DNAH6: variants seen among roughly 807,000 people sequenced by gnomAD.
The protein encoded by DNAH6 is dynein axonemal heavy chain 6.
Under a neutral mutation model 491.4 loss-of-function variants are expected in DNAH6, and 340 were observed. The ratio of observed to expected loss-of-function variants is 0.69; its 90% confidence interval spans 0.63 to 0.76. The LOEUF is 0.76. DNAH6 is among the 30% of genes least tolerant of loss of function. The pLI, the probability that DNAH6 is intolerant of heterozygous loss-of-function variation, is 0.00. For missense variants in DNAH6, 4,443 were observed against 4,972.2 expected, an observed-to-expected ratio of 0.89 and a Z score of 3.20; for synonymous variants, 1,603 against 1,686.1, an observed-to-expected ratio of 0.95 and a Z score of 1.21.
chr2:84,611,840 C>A lies in DNAH6; in HGVS notation c.3461C>A (p.Ala1154Asp), dbSNP rs1389413529. 1 of 1,550,710 alleles carries A rather than the reference C, an allele frequency of 6.4e-7. No homozygotes were observed. The highest frequency in any genetic ancestry group is 8.7e-7 in the Non-Finnish European group (1 of 1,146,390). The change falls in exon 22 of 77, where the codon GCC (alanine) becomes GAC (aspartate). Residue 1154 changes from alanine to aspartate, a missense_variant. By Grantham distance (126) the Ala-to-Asp change is moderately radical. Around this residue, in one of 3 missense-constraint regions of DNAH6, gnomAD observed 2,977 missense variants for 3,296.6 expected, o/e 0.90. Coordinates refer to ENST00000389394, the MANE Select transcript of DNAH6 (RefSeq NM_001370.2). The part of the protein sequence containing the change: ...KVNRLPNALR[A>D]ATQPGLLETF... ...AATCGGCTGCCTAATGCTCTTCGAG[C>A]CGCTACTCAGCCAGGTATGAAACAA...
At chr2:84,742,622 C>A (rs888901058) in intron 62 of DNAH6, among the ~76,000 whole-genome samples, 4 of 145,596 alleles carry the variant, frequency 2.7e-5, no homozygotes. Context: ...CATTGGTCAT[C>A]TTTATTTTGG....
chr2:84,686,143 G>A (rs1399868915), intron 43 of DNAH6, among the ~76,000 whole-genome samples: 3 of 150,242 alleles, frequency 2.0e-5, no homozygotes, highest in Non-Finnish European at 3.0e-5. Context: ...AGCCGAGATC[G>A]CATCATTGCA....
At position 84,544,482 on chromosome 2, in the gene DNAH6, T is replaced by A. The variant is rs776394630; in HGVS notation, c.912T>A (p.Asn304Lys). ...ITGCQKSLQK[N>K]LFIVNPHLRP... is the part of the protein sequence containing the mutation. ...GATGTCAAAAATCTCTACAAAAAAA[T>A]TTGTTCATTGTTAATCCTGTATGTA... Residue 304 changes from asparagine (N) to lysine (K), a missense_variant, in exon 5 of 77, where the codon AAT (asparagine) becomes AAA (lysine). By Grantham distance (94) the Asn-to-Lys change is moderately conservative. Coordinates refer to ENST00000389394, the MANE Select transcript of DNAH6 (RefSeq NM_001370.2). The A allele has an allele frequency of 2.7e-6, 4 of 1,491,386 alleles. No individual in the cohort carries two copies. Among genetic ancestry groups the A allele is most frequent in the African/African-American group, 1.4e-5 (1 of 72,500 alleles). The allele number at this position is 1,491,386 out of a possible 1,614,324, so 92.4% of individuals were successfully genotyped here.
the DNAH6 span, among the ~76,000 whole-genome samples, chr2:84,483,776 C>T: frequency 1.3e-5 from 2 of 152,262 alleles, no homozygotes; most frequent in Non-Finnish European, 2.9e-5. Context: ...ATTTGCCCTC[C>T]TCTGATATAA....
intron 23 of DNAH6, among the ~76,000 whole-genome samples, chr2:84,618,089 T>A (rs1687052005): frequency 6.6e-6 from 1 of 152,076 alleles, no homozygotes; most frequent in Non-Finnish European, 1.5e-5. Context: ...TTATATTACT[T>A]GGGAAAGATT....
chr2:84,545,820 G>A (rs1384854671), intron 5 of DNAH6, among the ~76,000 whole-genome samples: 1 of 152,108 alleles, frequency 6.6e-6, no homozygotes, highest in South Asian at 2.1e-4. Flanking sequence ...GGAGACATAC[G>A]AGTTGTCCTC....
At chr2:84,799,562 T>C (rs1678683270) in intron 70 of DNAH6, among the ~76,000 whole-genome samples, 2 of 152,210 alleles carry the variant, frequency 1.3e-5, no homozygotes, top group African/African-American at 4.8e-5. Flanking sequence ...CACTAACCTG[T>C]CCAGGGAGTC....
At chr2:84,769,789 C>T (rs1217390360) in intron 64 of DNAH6, among the ~76,000 whole-genome samples, 1 of 152,188 alleles carries the variant, frequency 6.6e-6, no homozygotes, top group Non-Finnish European at 1.5e-5. Context: ...AGGCAACTAG[C>T]AGACAAAGCA....
intron 45 of DNAH6, 105 bp downstream of exon 45, chr2:84,688,698 C>A: frequency 2.3e-6 from 2 of 885,782 alleles, no homozygotes; most frequent in Non-Finnish European, 3.3e-6. Context: ...GCTAGATGGT[C>A]AGAGGTCTTT....
chr2:84,549,244 A>G (rs543000356), intron 8 of DNAH6, among the ~76,000 whole-genome samples: 1 of 152,362 alleles, frequency 6.6e-6, no homozygotes, highest in East Asian at 1.9e-4. Flanking sequence ...ATTATGTAAT[A>G]CATCTTAACT....
At chr2:84,635,850 C>A (rs1396693974) in intron 30 of DNAH6, among the ~76,000 whole-genome samples, 1 of 152,158 alleles carries the variant, frequency 6.6e-6, no homozygotes, top group Non-Finnish European at 1.5e-5. Context: ...TGCATTCTCT[C>A]CTCCAGGCTG....
At chr2:84,808,379 G>A in intron 71 of DNAH6, 36 bp from the exon 72 acceptor site, 8 of 1,474,996 alleles carry the variant, frequency 5.4e-6, no homozygotes, top group African/African-American at 1.4e-5. Context: ...ACAAATCAAT[G>A]GTGACTGGCC....
chr2:84,499,032 A>ATTTATCC, the DNAH6 span, among the ~76,000 whole-genome samples: 523 of 65,254 alleles, frequency 8.0e-3, 1 homozygote, highest in African/African-American at 0.031. Context: ...CCCCTCAAGC[A>ATTTATCC]TTTGCAAACA....
At chr2:84,790,052 T>TA (rs1474802239) in intron 68 of DNAH6, among the ~76,000 whole-genome samples, 3 of 152,114 alleles carry the variant, frequency 2.0e-5, no homozygotes, top group Non-Finnish European at 2.9e-5. Flanking sequence ...ATATATTTTT[T>TA]AAAAAAAGAA....
At chr2:84,550,150 TA>T (rs878888491) in intron 9 of DNAH6, 93 bp downstream of exon 9, 27,600 of 794,686 alleles carry the variant, frequency 0.035, 7 homozygotes, top group South Asian at 0.069. Context: ...TTCTGTGCAC[TA>T]AAAAAAAAAG....
At chr2:84,658,950 C>A in intron 36 of DNAH6, 76 bp from the exon 37 acceptor site, 2 of 929,184 alleles carry the variant, frequency 2.2e-6, no homozygotes, top group Non-Finnish European at 3.1e-6. Flanking sequence ...AGAAAAATAT[C>A]TTTACACTTT....
chr2:84,717,890 A>T (rs926475949), intron 58 of DNAH6, among the ~76,000 whole-genome samples: 1 of 152,198 alleles, frequency 6.6e-6, no homozygotes, highest in Non-Finnish European at 1.5e-5. Flanking sequence ...AGCGTTAGAG[A>T]CAGAAATTGA....
intron 62 of DNAH6, among the ~76,000 whole-genome samples, chr2:84,735,298 T>C (rs1459686879): frequency 6.6e-6 from 1 of 152,230 alleles, no homozygotes; most frequent in Non-Finnish European, 1.5e-5. Context: ...CAGTTCACTG[T>C]TGATGGGCAC....
the DNAH6 span, among the ~76,000 whole-genome samples, chr2:84,507,971 G>A: frequency 1.3e-5 from 2 of 152,224 alleles, no homozygotes; most frequent in Admixed American, 6.5e-5. Context: ...TGGTTTGCCA[G>A]TATTTCATTG....
Sources: allele counts gnomAD v4.1 joint callset (sites outside exome capture counted in the v4.1 genomes callset), GRCh38; gene constraint gnomAD v4.1.1; regional missense constraint gnomAD v4.1.1; transcripts MANE v1.5; gene names NCBI Gene and HGNC (gene_info 2026-07-23, HGNC 2026-07-21).